Variants in MAMDC2 observed in about 807,000 individuals in gnomAD.
MAMDC2 encodes the protein MAM domain-containing protein 2.
In MAMDC2, 57 loss-of-function variants were observed where a neutral mutation model predicts 89.8. The observed-to-expected ratio is 0.63, with a 90% CI of 0.51 to 0.79. MAMDC2 has a LOEUF of 0.79. Ranked by LOEUF, MAMDC2 falls within the 30% of genes least tolerant of loss-of-function variation. MAMDC2 has a pLI of 0.00. For synonymous variants in MAMDC2, 313 were observed against 293.4 expected, an observed-to-expected ratio of 1.07 and a Z score of -0.68; for missense variants, 800 against 820.6, an observed-to-expected ratio of 0.97 and a Z score of 0.31.
intron 12 of MAMDC2, among the ~76,000 whole-genome samples, chr9:70,221,535 A>G (rs74388168): frequency 0.011 from 1,734 of 150,898 alleles, 38 homozygotes; most frequent in African/African-American, 0.04. Context: ...CAAAGGCTAC[A>G]AAGTTTCAGA....
At chr9:70,144,901 A>G (rs1291590027) in intron 9 of MAMDC2, among the ~76,000 whole-genome samples, 2 of 152,184 alleles carry the variant, frequency 1.3e-5, no homozygotes, top group African/African-American at 2.4e-5. Context: ...TTTTATCACA[A>G]TATTGCCTGG....
At chr9:70,129,253 A>G (rs147810477) in intron 6 of MAMDC2, among the ~76,000 whole-genome samples, 1,941 of 152,298 alleles carry the variant, frequency 0.013, 24 homozygotes, top group Non-Finnish European at 0.02. Context: ...AAGTCTCATA[A>G]GATCTGACAG....
chr9:70,131,961 G>C (rs533015482), intron 7 of MAMDC2, among the ~76,000 whole-genome samples: 7 of 152,278 alleles, frequency 4.6e-5, no homozygotes, highest in South Asian at 2.1e-4. Flanking sequence ...TGGGTAGATG[G>C]ACAAAGCTCT....
intron 11 of MAMDC2, among the ~76,000 whole-genome samples, chr9:70,178,782 C>CT (rs1311825487): frequency 2.6e-5 from 4 of 152,066 alleles, no homozygotes; most frequent in Non-Finnish European, 5.9e-5. Context: ...GGGTTAAGTC[C>CT]TAGAGGTAAT....
chr9:70,186,395 T>C (rs1286373296), intron 11 of MAMDC2, among the ~76,000 whole-genome samples: 2 of 152,198 alleles, frequency 1.3e-5, no homozygotes, highest in East Asian at 1.9e-4. Flanking sequence ...TTCCTTTACA[T>C]TTGAAGGATA....
chr9:70,209,828 T>C (rs1450535524), intron 11 of MAMDC2, among the ~76,000 whole-genome samples: 1 of 152,250 alleles, frequency 6.6e-6, no homozygotes, highest in African/African-American at 2.4e-5. Context: ...GATTCTGGTA[T>C]ATTGTGTCTT....
chr9:70,050,593 C>G (rs779008678), intron 2 of MAMDC2, among the ~76,000 whole-genome samples: 1 of 152,206 alleles, frequency 6.6e-6, no homozygotes, highest in Non-Finnish European at 1.5e-5. Context: ...ACGTTTAACA[C>G]AGAGTGAGCA....
intron 11 of MAMDC2, among the ~76,000 whole-genome samples, chr9:70,188,380 TTC>T (rs1563992334): frequency 6.6e-6 from 1 of 152,168 alleles, no homozygotes; most frequent in African/African-American, 2.4e-5. Context: ...GTATTACATC[TTC>T]TTTTTGTTCC....
Position 70,140,430 on chromosome 9 carries a change from T to C in MAMDC2, c.1138+142T>C, listed in dbSNP as rs183002053. 153 of 857,238 alleles carry C rather than the reference T, an allele frequency of 1.8e-4. No homozygotes were observed. The African/African-American group carries it at 2.5e-3, about 14-fold the overall frequency. The allele number at this position is 857,238 out of a possible 1,614,324, so 53.1% of individuals were successfully genotyped here. On this transcript the variant is annotated intron_variant, in intron 8 of 13. Coordinates refer to ENST00000377182, the MANE Select transcript of MAMDC2 (RefSeq NM_153267.5). Reference sequence around the variant, plus strand: ...GCAAAGACAATCAGTAGTCTTGTGTTTGACCATTTTTAAAAATTGGAATTC... The same window carrying C: ...GCAAAGACAATCAGTAGTCTTGTGTCTGACCATTTTTAAAAATTGGAATTC...
intron 2 of MAMDC2, among the ~76,000 whole-genome samples, chr9:70,047,915 A>G (rs1404258422): frequency 6.6e-6 from 1 of 152,196 alleles, no homozygotes; most frequent in African/African-American, 2.4e-5. Flanking sequence ...GTCCCTGATT[A>G]CAGTTCGAGT....
intron 11 of MAMDC2, among the ~76,000 whole-genome samples, chr9:70,190,796 AGTT>A (rs2118600592): frequency 6.6e-6 from 1 of 152,254 alleles, no homozygotes; most frequent in Non-Finnish European, 1.5e-5. Flanking sequence ...ATGTGGATAC[AGTT>A]GTTCATATAG....
intron 11 of MAMDC2, among the ~76,000 whole-genome samples, chr9:70,205,809 C>G (rs2033213536): frequency 6.6e-6 from 1 of 152,146 alleles, no homozygotes; most frequent in South Asian, 2.1e-4. Context: ...CTGGGGCTTC[C>G]TGGCTCCCAT....
chr9:70,216,444 C>T (rs147031004), intron 11 of MAMDC2: 2 of 152,292 alleles, frequency 1.3e-5, no homozygotes, highest in Admixed American at 6.5e-5. Context: ...AGAGAACAAG[C>T]TCCCTGCTGT....
At chr9:70,087,923 T>C (rs1304097416) in intron 2 of MAMDC2, among the ~76,000 whole-genome samples, 2 of 152,176 alleles carry the variant, frequency 1.3e-5, no homozygotes, top group Non-Finnish European at 2.9e-5. Context: ...TTAAATTTTA[T>C]TATTTCTCAA....
intron 11 of MAMDC2, among the ~76,000 whole-genome samples, chr9:70,202,404 C>A (rs1587566330): frequency 6.6e-6 from 1 of 152,044 alleles, no homozygotes; most frequent in East Asian, 1.9e-4. Context: ...TTTGATTGCA[C>A]TGTGGTCTGA....
At chr9:70,220,577 C>G (rs1426392394) in intron 12 of MAMDC2, among the ~76,000 whole-genome samples, 1 of 152,212 alleles carries the variant, frequency 6.6e-6, no homozygotes, top group Non-Finnish European at 1.5e-5. Flanking sequence ...CAGGCACTTA[C>G]AGTGCTAAGA....
intron 2 of MAMDC2, among the ~76,000 whole-genome samples, chr9:70,092,066 G>A (rs552434107): frequency 6.6e-6 from 1 of 152,164 alleles, no homozygotes; most frequent in South Asian, 2.1e-4. Context: ...AATTCATTTG[G>A]CATGTATTTA....
intron 8 of MAMDC2, among the ~76,000 whole-genome samples, 182 bp from the exon 9 acceptor site, chr9:70,143,372 A>G (rs1448109865): frequency 6.6e-6 from 1 of 152,238 alleles, no homozygotes; most frequent in Non-Finnish European, 1.5e-5. Context: ...ATGAGGTATC[A>G]TTTCAATAGA....
At chr9:70,100,196 A>T (rs1395743776) in intron 2 of MAMDC2, among the ~76,000 whole-genome samples, 1 of 152,194 alleles carries the variant, frequency 6.6e-6, no homozygotes, top group Admixed American at 6.5e-5. Context: ...ACATTATCTT[A>T]TTTAATCTTA....
Sources: allele counts gnomAD v4.1 joint callset (sites outside exome capture counted in the v4.1 genomes callset), GRCh38; gene constraint gnomAD v4.1.1; transcripts MANE v1.5; gene names NCBI Gene and HGNC (gene_info 2026-07-23, HGNC 2026-07-21).